Variants in NTRK3 observed in about 807,000 individuals in gnomAD.
The protein encoded by NTRK3 is NT-3 growth factor receptor.
NTRK3 carries 24 observed loss-of-function variants against 91.7 expected under a neutral mutation model. The observed-to-expected ratio is 0.26, with a 90% CI of 0.19 to 0.37. The LOEUF is 0.37. NTRK3 is among the 10% of genes least tolerant of loss of function. The pLI is 1.00. For missense variants in NTRK3, 880 were observed against 1,068.9 expected, an observed-to-expected ratio of 0.82 and a Z score of 2.46; for synonymous variants, 483 against 404.0, an observed-to-expected ratio of 1.20 and a Z score of -2.34.
chr15:88,149,833 C>T (rs1229966975), intron 5 of NTRK3, among the ~76,000 whole-genome samples: 1 of 152,180 alleles, frequency 6.6e-6, no homozygotes. Flanking sequence ...TGCCACTGGC[C>T]TTTATGAGGT....
intron 18 of NTRK3, 144 bp downstream of exon 19, chr15:87,880,126 A>T: frequency 1.0e-6 from 1 of 980,438 alleles, no homozygotes; most frequent in Non-Finnish European, 1.6e-6. Context: ...CCTACTAAGA[A>T]GCTCTCTGCT....
chr15:88,191,163 CGTGTGTGTGTGT>C (rs60048541), intron 3 of NTRK3, among the ~76,000 whole-genome samples: 39 of 137,966 alleles, frequency 2.8e-4, no homozygotes, highest in South Asian at 7.8e-4. Flanking sequence ...TGATGTTTCC[CGTGTGTGTGTGT>C]GTGTGTGTGT....
chr15:88,103,938 T>C (rs988820209), intron 13 of NTRK3, among the ~76,000 whole-genome samples: 5 of 152,184 alleles, frequency 3.3e-5, no homozygotes, highest in African/African-American at 1.2e-4. Flanking sequence ...AATTCTACAC[T>C]AGAGACATTC....
At chr15:87,929,336 A>T (rs1311977254) in exon 17 of NTRK3, 1 of 1,614,116 alleles carries the variant, frequency 6.2e-7, no homozygotes. Context: ...ACCCGAGGCG[A>T]TCTGACTGGC....
intron 17 of NTRK3, among the ~76,000 whole-genome samples, chr15:87,908,111 T>C (rs550997330): frequency 6.6e-6 from 1 of 152,208 alleles, no homozygotes; most frequent in Non-Finnish European, 1.5e-5. Context: ...AGGTCACACC[T>C]CCTGAAATGC....
chr15:87,959,095 T>C (rs2071985029), intron 14 of NTRK3, among the ~76,000 whole-genome samples: 1 of 149,470 alleles, frequency 6.7e-6, no homozygotes, highest in Admixed American at 6.7e-5. Context: ...CAGCAGCCAC[T>C]ACCTGTCTGT....
At chr15:88,169,291 C>T (rs897883685) in intron 5 of NTRK3, among the ~76,000 whole-genome samples, 4 of 152,320 alleles carry the variant, frequency 2.6e-5, no homozygotes, top group African/African-American at 9.6e-5. Flanking sequence ...AATCAGCCTC[C>T]TTGCAGAGTG....
Position 88,235,102 on chromosome 15 carries a change from C to A in NTRK3, c.248+20804G>T, listed in dbSNP as rs2051574643. 6.6e-6 allele frequency among the ~76,000 whole-genome samples: 1 copy of A among 152,190 alleles called. No homozygotes were observed. The highest frequency in any genetic ancestry group is 6.5e-5 in the Admixed American group (1 of 15,278). On this transcript the variant is annotated intron_variant, in intron 3 of 18. Coordinates refer to ENST00000394480, the Ensembl canonical transcript of NTRK3. The surrounding 1 kb of genome is among the most constrained non-coding windows in gnomAD (Gnocchi z 5.2). ...CAGCCTCCTCACCTCCCCATCATGC[C>A]TCATAACAGAGCACTCTGTTGAGTA...
chr15:87,942,241 G>T (rs188997480), intron 14 of NTRK3, among the ~76,000 whole-genome samples: 30 of 152,336 alleles, frequency 2.0e-4, no homozygotes, highest in African/African-American at 6.5e-4. Context: ...GGACAGACCT[G>T]CACGTTAACA....
At chr15:87,902,400 A>T (rs1457517958) in intron 17 of NTRK3, among the ~76,000 whole-genome samples, 1 of 152,222 alleles carries the variant, frequency 6.6e-6, no homozygotes. Flanking sequence ...CTGTGGCAGC[A>T]TTTGTCATCA....
At chr15:87,940,680 G>A (rs2069744994) in exon 15 of NTRK3, 1 of 1,614,110 alleles carries the variant, frequency 6.2e-7, no homozygotes, top group Non-Finnish European at 8.5e-7. Flanking sequence ...ACTCGGCCAG[G>A]AAGACCTTTC....
chr15:87,913,271 C>A (rs1313600616), intron 17 of NTRK3, among the ~76,000 whole-genome samples: 2 of 151,972 alleles, frequency 1.3e-5, no homozygotes, highest in Admixed American at 6.6e-5. Context: ...GCCTGGCAAA[C>A]CCCTTTCTCT....
exon 19 of NTRK3, chr15:87,866,859 T>C (rs2064695964): frequency 4.8e-6 from 1 of 206,678 alleles, no homozygotes. Flanking sequence ...TGTGTCAATA[T>C]TATAGTCACT....
chr15:88,211,450 T>C (rs2049239109), intron 3 of NTRK3, among the ~76,000 whole-genome samples: 1 of 152,258 alleles, frequency 6.6e-6, no homozygotes, highest in African/African-American at 2.4e-5. Context: ...TTGGCTATTT[T>C]AAATAGTGCC....
intron 13 of NTRK3, among the ~76,000 whole-genome samples, chr15:88,071,886 T>C (rs2047115608): frequency 6.6e-6 from 1 of 152,190 alleles, no homozygotes; most frequent in Non-Finnish European, 1.5e-5. Flanking sequence ...TTGAGTCCTC[T>C]TTTGGTGCCT....
intron 3 of NTRK3, among the ~76,000 whole-genome samples, chr15:88,219,334 C>T (rs1405635077): frequency 1.3e-5 from 2 of 152,252 alleles, no homozygotes; most frequent in East Asian, 1.9e-4. Context: ...TACTAGGAAA[C>T]TGACAGCCCC....
intron 3 of NTRK3, among the ~76,000 whole-genome samples, chr15:88,228,104 C>A (rs1253278671): frequency 1.3e-5 from 2 of 152,172 alleles, no homozygotes; most frequent in African/African-American, 4.8e-5. Context: ...TGTGTGAAAC[C>A]AGAATCATGC....
chr15:88,058,199 A>ACTT (rs2045898114), intron 13 of NTRK3, among the ~76,000 whole-genome samples: 1 of 152,166 alleles, frequency 6.6e-6, no homozygotes, highest in Non-Finnish European at 1.5e-5. Context: ...GCCAAAGGGG[A>ACTT]AAGAGTCCAG....
chr15:88,136,527 T>G (rs1201976928), exon 8 of NTRK3: 9 of 1,613,878 alleles, frequency 5.6e-6, no homozygotes, highest in Non-Finnish European at 7.6e-6. Context: ...GAAGGGGTGA[T>G]CCAGAGCCAT....
Sources: allele counts gnomAD v4.1 joint callset (sites outside exome capture counted in the v4.1 genomes callset), GRCh38; gene constraint gnomAD v4.1.1; non-coding constraint Gnocchi (gnomAD v3.1); transcripts MANE v1.5; gene names NCBI Gene and HGNC (gene_info 2026-07-23, HGNC 2026-07-21).